The following GPC5 variants were observed in gnomAD, a reference collection of about 807,000 sequenced individuals.
GPC5 encodes glypican-5.
GPC5 carries 47 observed loss-of-function variants against 53.9 expected under a neutral mutation model. The ratio of observed to expected loss-of-function variants is 0.87; its 90% CI spans 0.69 to 1.11. The LOEUF (loss-of-function observed/expected upper bound fraction) is 1.11, where lower values mean the gene tolerates loss of function less well. Ranked by LOEUF, GPC5 falls within the 50% of genes most tolerant of loss-of-function variation. The probability of loss-of-function intolerance (pLI) is 0.00; values close to 1 mark genes in which losing one functional copy is unlikely to be tolerated. For missense variants in GPC5, 748 were observed against 713.1 expected (o/e 1.05, Z -0.56); for synonymous variants, 286 against 263.3 (o/e 1.09, Z -0.84).
At chr13:91,687,459 C>T (rs1446913147) in intron 2 of GPC5, among the ~76,000 whole-genome samples, 1 of 151,784 alleles carries the variant, frequency 6.6e-6, no homozygotes, top group Non-Finnish European at 1.5e-5. Flanking sequence ...ATGTTAATGT[C>T]GAAAATGGAA....
chr13:92,113,953 A>G lies in GPC5; in HGVS notation c.1402-30877A>G, dbSNP rs531127495. 7.9e-5 allele frequency among the ~76,000 whole-genome samples: 12 copies of G among 152,306 alleles called. No individual in the cohort carries two copies. In the East Asian group the frequency reaches 2.1e-3, roughly 27 times the overall value. On this transcript the variant is annotated intron_variant, in intron 6 of 7. Coordinates refer to ENST00000377067, the MANE Select transcript of GPC5 (RefSeq NM_004466.6). ...CTTCTAAGGAGTGCATAAAAACTAAAGGTAATGTGAAAAACAACTCTTCCT... is the reference window on the plus strand; with the variant it reads ...CTTCTAAGGAGTGCATAAAAACTAAGGGTAATGTGAAAAACAACTCTTCCT...
At position 92,156,553 on chromosome 13, in the gene GPC5, A is replaced by C. The variant is rs67993272; in HGVS notation, c.1561+11564A>C. ...CTGCTTTGAGGTTAATGAGGATGAC[A>C]TTTTGACTGAGTTTTGTTTTATTTA... On this transcript the variant is annotated intron_variant, in intron 7 of 7. Coordinates refer to ENST00000377067, the MANE Select transcript of GPC5 (RefSeq NM_004466.6). Among the ~76,000 whole-genome samples, 1,520 of 152,240 alleles carry C rather than the reference A, an allele frequency of 1.0e-2. 19 individuals are homozygous for C. The highest frequency in any genetic ancestry group is 0.017 in the Middle Eastern group (5 of 294).
chr13:91,398,806 C>A lies in GPC5; in HGVS notation c.-241C>A. 1 of 446,230 alleles carries A rather than the reference C, an allele frequency of 2.2e-6. No individual in the cohort carries two copies. The highest frequency in any genetic ancestry group is 3.9e-6 in the Non-Finnish European group (1 of 254,702). 27.6% of individuals were successfully genotyped at this position (446,230 alleles called of 1,614,324 possible). A position where few individuals can be genotyped will look rare whatever the true frequency, so the allele number is the denominator to read the frequency against. On this transcript the variant is annotated 5_prime_UTR_variant, in exon 1 of 8. Coordinates refer to ENST00000377067, the MANE Select transcript of GPC5 (RefSeq NM_004466.6). ...CCGCCCAGCCGCCCACTCTTCTCGG[C>A]TAGGGAAGAAGACCAGAGGGTGCTC...
At chr13:92,803,757 T>A (rs1876993200) in intron 7 of GPC5, among the ~76,000 whole-genome samples, 1 of 152,014 alleles carries the variant, frequency 6.6e-6, no homozygotes, top group Non-Finnish European at 1.5e-5. Context: ...AAGGCTAATA[T>A]CTACATGTCT....
intron 2 of GPC5, among the ~76,000 whole-genome samples, chr13:91,485,478 A>G (rs984801085): frequency 6.6e-6 from 1 of 152,172 alleles, no homozygotes; most frequent in Non-Finnish European, 1.5e-5. Context: ...TTGGCCTCCC[A>G]AAGTGCTGGG....
chr13:92,179,430 A>G (rs1391769450), intron 7 of GPC5, among the ~76,000 whole-genome samples: 1 of 152,308 alleles, frequency 6.6e-6, no homozygotes, highest in Non-Finnish European at 1.5e-5. Context: ...GAGCTTACTC[A>G]TGAATTGTGT....
At chr13:92,329,521 A>G (rs1365548371) in intron 7 of GPC5, among the ~76,000 whole-genome samples, 2 of 152,116 alleles carry the variant, frequency 1.3e-5, no homozygotes, top group African/African-American at 4.8e-5. Context: ...ACATTTCAAC[A>G]TGAGATTTGG....
intron 2 of GPC5, among the ~76,000 whole-genome samples, chr13:91,670,370 G>A (rs1209048685): frequency 6.6e-6 from 1 of 152,240 alleles, no homozygotes; most frequent in East Asian, 1.9e-4. Flanking sequence ...ATAGACCAGG[G>A]TAGTGGCTAT....
intron 2 of GPC5, among the ~76,000 whole-genome samples, chr13:91,534,598 C>T (rs1886500763): frequency 6.6e-6 from 1 of 152,126 alleles, no homozygotes; most frequent in Non-Finnish European, 1.5e-5. Flanking sequence ...AATGGTGGAT[C>T]GATGGAGAAT....
At chr13:92,285,450 A>C (rs2042947288) in intron 7 of GPC5, among the ~76,000 whole-genome samples, 1 of 152,216 alleles carries the variant, frequency 6.6e-6, no homozygotes, top group Non-Finnish European at 1.5e-5. Context: ...CTAAGCCAAA[A>C]GAACAAAGCT....
intron 7 of GPC5, among the ~76,000 whole-genome samples, chr13:92,866,037 T>C (rs1879322923): frequency 1.3e-5 from 2 of 152,128 alleles, no homozygotes; most frequent in South Asian, 4.1e-4. Context: ...TCCAAAAATT[T>C]TAAAAAGCTA....
At chr13:92,354,988 T>TAAA (rs1307609818) in intron 7 of GPC5, among the ~76,000 whole-genome samples, 8 of 150,982 alleles carry the variant, frequency 5.3e-5, no homozygotes, top group African/African-American at 2.0e-4. Flanking sequence ...AGCTTTAATA[T>TAAA]ATAATTTAAT....
chr13:92,860,398 T>A (rs927007176), intron 7 of GPC5, among the ~76,000 whole-genome samples: 1 of 152,024 alleles, frequency 6.6e-6, no homozygotes, highest in Non-Finnish European at 1.5e-5. Flanking sequence ...TTATACAGAA[T>A]CCCTAGGTTT....
chr13:92,482,567 GT>G (rs1001188081), intron 7 of GPC5, among the ~76,000 whole-genome samples: 4 of 152,066 alleles, frequency 2.6e-5, no homozygotes, highest in African/African-American at 4.8e-5. Flanking sequence ...TTTGGCCAGG[GT>G]TTTTTTCCCC....
Position 91,448,823 on chromosome 13 carries a change from A to G in GPC5, c.226A>G (p.Arg76Gly). 6.2e-7 allele frequency: 1 copy of G among 1,613,810 alleles called. No individual in the cohort carries two copies. The highest frequency in any genetic ancestry group is 8.5e-7 in the Non-Finnish European group (1 of 1,179,788). The change falls in exon 2 of 8, where the codon AGA becomes GGA. Residue 76 changes from arginine (R) to glycine (G), a missense_variant. Transcript: ENST00000377067. ...PTCCTRKMEE[R>G]YQIAARQDMQ... Reference sequence around the variant, plus strand: ...ATGTTGCACCAGGAAGATGGAGGAGAGATATCAGATTGCGGCTCGCCAGGA... The same window carrying G: ...ATGTTGCACCAGGAAGATGGAGGAGGGATATCAGATTGCGGCTCGCCAGGA...
At chr13:91,737,729 A>G (rs1391557156) in intron 4 of GPC5, among the ~76,000 whole-genome samples, 1 of 151,352 alleles carries the variant, frequency 6.6e-6, no homozygotes, top group African/African-American at 2.5e-5. Flanking sequence ...TAGAAAAACT[A>G]TTTCAGGTCT....
intron 7 of GPC5, among the ~76,000 whole-genome samples, chr13:92,775,086 G>T (rs982720087): frequency 1.3e-5 from 2 of 152,306 alleles, no homozygotes; most frequent in Non-Finnish European, 2.9e-5. Context: ...ATGAGTCACA[G>T]TATTTGAAGG....
In GPC5 at chr13:91,530,994, A is replaced by G. The variant is rs74653036; in HGVS notation, c.325+82072A>G. ...TGGTTTGGTAGATTCTACTTATTAC[A>G]ATTGCTCTTTCTTACTGCCAATATT... On this transcript the variant is annotated intron_variant, in intron 2 of 7. Coordinates refer to ENST00000377067, the MANE Select transcript of GPC5 (RefSeq NM_004466.6). Among the ~76,000 whole-genome samples, 91 of 152,308 alleles carry G rather than the reference A, an allele frequency of 6.0e-4. 1 individual carries two copies. The East Asian group carries it at 0.016, about 26-fold the overall frequency.
At chr13:91,962,836 T>C (rs1343190250) in intron 6 of GPC5, among the ~76,000 whole-genome samples, 1 of 152,212 alleles carries the variant, frequency 6.6e-6, no homozygotes, top group Non-Finnish European at 1.5e-5. Flanking sequence ...GGTCATATAA[T>C]AGTGGCCTTC....
Sources: allele counts gnomAD v4.1 joint callset (sites outside exome capture counted in the v4.1 genomes callset), GRCh38; gene constraint gnomAD v4.1.1; transcripts MANE v1.5; gene names NCBI Gene and HGNC (gene_info 2026-07-23, HGNC 2026-07-21).